The following ZNF439 variants were observed in gnomAD, a reference collection of about 807,000 sequenced individuals.
ZNF439 encodes the protein zinc finger protein 439.
ZNF439 carries 40 observed loss-of-function variants against 47.3 expected under a neutral mutation model. That is an observed-to-expected ratio of 0.85 (90% CI 0.66 to 1.10). The LOEUF is 1.10. Ranked by LOEUF, ZNF439 falls within the 50% of genes least tolerant of loss-of-function variation. ZNF439 has a pLI of 0.00. For missense variants in ZNF439, 556 were observed against 601.1 expected, an observed-to-expected ratio of 0.93 and a Z score of 0.78; for synonymous variants, 171 against 198.8, an observed-to-expected ratio of 0.86 and a Z score of 1.18.
Position 11,865,884 on chromosome 19 carries a change from G to A in ZNF439, c.64-321G>A, listed in dbSNP as rs28517290. On this transcript the variant is annotated intron_variant, in intron 1 of 3. Coordinates refer to ENST00000682736, the MANE Select transcript of ZNF439 (RefSeq NM_001348719.2). ...CTCTACTAAAAATACAAAATTAGCC[G>A]GGTATGCTGGTGCATGCCTGTAATC... 7.7e-3 allele frequency: 3,147 copies of A among 407,488 alleles called. 81 individuals carry two copies. Among genetic ancestry groups the A allele is most frequent in the African/African-American group, 0.062 (2,925 of 46,938 alleles). 25.2% of individuals were successfully genotyped at this position (407,488 alleles called of 1,614,324 possible). A position where few individuals can be genotyped will look rare whatever the true frequency, so the allele number is the denominator to read the frequency against.
chr19:11,849,441 G>A (rs534707542), intron 1 of ZNF439: 97 of 396,530 alleles, frequency 2.4e-4, no homozygotes, highest in African/African-American at 1.9e-3. Context: ...TCAGAGCCGA[G>A]TAGGAGAGAC....
At chr19:11,863,654 T>G (rs907253712) in intron 1 of ZNF439, among the ~76,000 whole-genome samples, 1 of 152,218 alleles carries the variant, frequency 6.6e-6, no homozygotes, top group Non-Finnish European at 1.5e-5. Context: ...TTATCGATTT[T>G]CTCACTCACA....
At chr19:11,851,466 T>A (rs1471134012) in intron 1 of ZNF439, among the ~76,000 whole-genome samples, 1 of 152,132 alleles carries the variant, frequency 6.6e-6, no homozygotes, top group African/African-American at 2.4e-5. Flanking sequence ...GGCTGTTTTC[T>A]TCATGGGAAA....
In ZNF439 at chr19:11,868,746, T is replaced by C. The variant is rs1376237052; in HGVS notation, c.*177T>C. On this transcript the variant is annotated 3_prime_UTR_variant, in exon 4 of 4. Coordinates refer to ENST00000682736, the MANE Select transcript of ZNF439 (RefSeq NM_001348719.2). ...AGAAAAACTCTATGAGTGTAAGCAA[T>C]GTGGGAAAGTCTTCAGATCTGTCAA... is the stretch of plus-strand genomic sequence containing the variant. 1 of 727,884 alleles carries C rather than the reference T, an allele frequency of 1.4e-6. No individual in the cohort carries two copies. Among genetic ancestry groups the C allele is most frequent in the Non-Finnish European group, 2.4e-6 (1 of 421,054 alleles). 45.1% of individuals were successfully genotyped at this position (727,884 alleles called of 1,614,324 possible).
intron 1 of ZNF439, among the ~76,000 whole-genome samples, chr19:11,858,483 A>G (rs559878611): frequency 0.05 from 5,436 of 108,144 alleles, 358 homozygotes; most frequent in African/African-American, 0.26. Context: ...AAAAAAAAAA[A>G]GGGGGTCTAT....
intron 1 of ZNF439, among the ~76,000 whole-genome samples, chr19:11,860,831 G>A (rs771668387): frequency 1.7e-4 from 26 of 152,284 alleles, no homozygotes; most frequent in Non-Finnish European, 2.8e-4. Context: ...GCAGCACAGC[G>A]CCAGGGTGAT....
Position 11,848,928 on chromosome 19 carries a change from A to G in ZNF439, c.61A>G (p.Met21Val). The change falls in exon 1 of 4, where the codon ATG becomes GTG. Residue 21 changes from methionine to valine, a missense_variant and splice_region_variant. By Grantham distance (21) the Met-to-Val change is conservative. Transcript: ENST00000682736. Reference protein sequence around the residue: ...EDPGTSESREMDPVAFKDVAV... With the variant: ...EDPGTSESREVDPVAFKDVAV... ...CCCCGGTACATCTGAAAGCCGGGAA[A>G]TGGTGCGTGTGCTGGCCGGGAGTGG... is the stretch of plus-strand genomic sequence containing the variant. 1 of 1,565,984 alleles carries G rather than the reference A, an allele frequency of 6.4e-7. No individual in the cohort carries two copies. The highest frequency in any genetic ancestry group is 1.1e-5 in the South Asian group (1 of 90,476).
intron 1 of ZNF439, chr19:11,858,260 C>T (rs1976441705): frequency 6.6e-6 from 1 of 150,752 alleles, no homozygotes; most frequent in Non-Finnish European, 1.5e-5. Context: ...AGATCAAGAC[C>T]ATCCTGCCTA....
chr19:11,850,172 C>G (rs192920004), intron 1 of ZNF439: 4 of 152,382 alleles, frequency 2.6e-5, no homozygotes, highest in Admixed American at 2.6e-4. Flanking sequence ...CTTCTGGGTT[C>G]AAGGGATTCT....
chr19:11,853,383 T>G (rs149529146), intron 1 of ZNF439, among the ~76,000 whole-genome samples: 1 of 152,320 alleles, frequency 6.6e-6, no homozygotes, highest in East Asian at 1.9e-4. Flanking sequence ...GCTTCTTGCT[T>G]GTAGTGAACG....
chr19:11,865,262 T>A (rs1976642592), intron 1 of ZNF439, among the ~76,000 whole-genome samples: 1 of 152,126 alleles, frequency 6.6e-6, no homozygotes, highest in Non-Finnish European at 1.5e-5. Flanking sequence ...TAGGAGTTTC[T>A]TGTTTGCCCT....
chr19:11,867,622 C>G lies in ZNF439; in HGVS notation c.568C>G (p.Pro190Ala). 6.2e-7 allele frequency: 1 copy of G among 1,614,054 alleles called. No individual in the cohort carries two copies. The highest frequency in any genetic ancestry group is 8.5e-7 in the Non-Finnish European group (1 of 1,180,000). ...AGAAAGGGATCACACTGGAAAGAAA[C>G]CCTATGCTTGTAAAGAATGTGGAAA... Reference protein sequence around the residue: ...TQERDHTGKKPYACKECGKNI... With the variant: ...TQERDHTGKKAYACKECGKNI... The change falls in exon 4 of 4, where the codon CCC becomes GCC. Residue 190 changes from proline (P) to alanine (A), a missense_variant. Physicochemically the swap from Pro to Ala is conservative, Grantham distance 27 (BLOSUM62 -1). Transcript: ENST00000682736.
chr19:11,857,254 A>G (rs1422131748), intron 1 of ZNF439: 2 of 152,212 alleles, frequency 1.3e-5, no homozygotes, highest in Non-Finnish European at 2.9e-5. Context: ...GTTGTCTATT[A>G]TTTCCACAAA....
intron 1 of ZNF439, among the ~76,000 whole-genome samples, chr19:11,861,265 C>T (rs934740965): frequency 2.6e-5 from 4 of 152,340 alleles, no homozygotes; most frequent in East Asian, 1.9e-4. Context: ...TTCCGAGACA[C>T]AGACACCTTA....
chr19:11,867,205 A>G (rs562059817), intron 3 of ZNF439, 101 bp from the exon 4 acceptor site: 10 of 1,361,340 alleles, frequency 7.3e-6, no homozygotes, highest in East Asian at 2.5e-5. Context: ...GAAAGCCTAC[A>G]CTTTGATGGA....
intron 3 of ZNF439, 39 bp downstream of exon 3, chr19:11,866,636 A>C (rs1240803418): frequency 4.4e-6 from 7 of 1,585,352 alleles, no homozygotes; most frequent in Non-Finnish European, 5.2e-6. Flanking sequence ...GTCTCTCTAC[A>C]CGATCTTAGA....
chr19:11,863,819 T>C (rs1036626794), intron 1 of ZNF439, among the ~76,000 whole-genome samples: 2 of 152,162 alleles, frequency 1.3e-5, no homozygotes, highest in Non-Finnish European at 2.9e-5. Flanking sequence ...TTCAGTTCTG[T>C]GTCTAATTCA....
At chr19:11,857,666 G>A (rs1251983357) in intron 1 of ZNF439, 2 of 152,210 alleles carry the variant, frequency 1.3e-5, no homozygotes, top group Non-Finnish European at 2.9e-5. Flanking sequence ...TCCTTGCAGG[G>A]TTTGATAAAG....
chr19:11,865,712 C>CAAA (rs71166640), intron 1 of ZNF439, among the ~76,000 whole-genome samples: 3,677 of 81,860 alleles, frequency 0.045, 866 homozygotes, highest in African/African-American at 0.2. Flanking sequence ...TACACTATCA[C>CAAA]AAAAAAAAAA....
Sources: allele counts gnomAD v4.1 joint callset (sites outside exome capture counted in the v4.1 genomes callset), GRCh38; gene constraint gnomAD v4.1.1; transcripts MANE v1.5; gene names NCBI Gene and HGNC (gene_info 2026-07-23, HGNC 2026-07-21).